Variants in C13orf46 observed in about 807,000 individuals in gnomAD.
The protein encoded by C13orf46 is chromosome 13 open reading frame 46.
the C13orf46 span, among the ~76,000 whole-genome samples, chr13:113,943,415 A>C: frequency 6.6e-6 from 1 of 152,354 alleles, no homozygotes; most frequent in East Asian, 1.9e-4. Context: ...CCGGTGGACA[A>C]TTGGTTACAT....
intron 4 of C13orf46, among the ~76,000 whole-genome samples, chr13:113,967,694 C>A (rs1291860289): frequency 6.6e-6 from 1 of 152,176 alleles, no homozygotes; most frequent in Non-Finnish European, 1.5e-5. Context: ...CTCCTCCAAC[C>A]TCATCCTCTG....
downstream of C13orf46, among the ~76,000 whole-genome samples, chr13:113,948,980 G>A (rs1411849634): frequency 6.6e-6 from 1 of 152,160 alleles, no homozygotes; most frequent in Admixed American, 6.5e-5. Context: ...TTTAGGGTGG[G>A]AGCTTGTTGC....
At chr13:113,945,587 G>A in the C13orf46 span, among the ~76,000 whole-genome samples, 527 of 125,670 alleles carry the variant, frequency 4.2e-3, 1 homozygote, top group African/African-American at 5.0e-3. Context: ...GAGAGAGAGA[G>A]AGAGAGAAAG....
At chr13:113,949,362 T>C (rs928049793), downstream of C13orf46, among the ~76,000 whole-genome samples, 5 of 152,164 alleles carry the variant, frequency 3.3e-5, no homozygotes, top group Non-Finnish European at 5.9e-5. Context: ...TGAGTGTGGG[T>C]TGCCTGGGTA....
chr13:113,959,204 G>C (rs960665918), intron 6 of C13orf46, among the ~76,000 whole-genome samples: 3 of 152,184 alleles, frequency 2.0e-5, no homozygotes, highest in Non-Finnish European at 4.4e-5. Flanking sequence ...CCCAGGGGGT[G>C]GAGGTTGCAG....
At chr13:113,952,363 G>T (rs1289003936), downstream of C13orf46, among the ~76,000 whole-genome samples, 3 of 147,576 alleles carry the variant, frequency 2.0e-5, no homozygotes, top group Admixed American at 6.7e-5. Context: ...GCCTGCCCAG[G>T]GCCGCTGTGT....
the C13orf46 span, among the ~76,000 whole-genome samples, chr13:113,937,642 T>C: frequency 4.6e-5 from 7 of 152,120 alleles, no homozygotes; most frequent in Non-Finnish European, 5.9e-5. Context: ...GCGCAGAGTT[T>C]GGTTTTACAT....
At chr13:113,938,013 T>C in the C13orf46 span, among the ~76,000 whole-genome samples, 1 of 152,164 alleles carries the variant, frequency 6.6e-6, no homozygotes, top group Admixed American at 6.5e-5. Flanking sequence ...GTTCCCTTAC[T>C]CAGGAATAGA....
chr13:113,934,370 G>T, the C13orf46 span, among the ~76,000 whole-genome samples: 1 of 152,332 alleles, frequency 6.6e-6, no homozygotes, highest in South Asian at 2.1e-4. Flanking sequence ...ATAATGGCAG[G>T]TATGTGTTTG....
chr13:113,937,045 G>T, the C13orf46 span, among the ~76,000 whole-genome samples: 1 of 152,114 alleles, frequency 6.6e-6, no homozygotes, highest in Non-Finnish European at 1.5e-5. Flanking sequence ...TTTTGCGGAA[G>T]GGTTATTATC....
chr13:113,942,746 G>A, the C13orf46 span, among the ~76,000 whole-genome samples: 178 of 152,298 alleles, frequency 1.2e-3, no homozygotes, highest in Middle Eastern at 6.8e-3. Flanking sequence ...CTGGGCCAGC[G>A]GGCTCCAGGC....
At chr13:113,951,289 G>A (rs1163685207), downstream of C13orf46, among the ~76,000 whole-genome samples, 5 of 152,218 alleles carry the variant, frequency 3.3e-5, no homozygotes, top group Non-Finnish European at 2.9e-5. Flanking sequence ...CAGCACCGGG[G>A]CCCCCACGGG....
intron 1 of C13orf46, among the ~76,000 whole-genome samples, chr13:113,972,226 C>T (rs2052714831): frequency 6.6e-6 from 1 of 152,254 alleles, no homozygotes; most frequent in African/African-American, 2.4e-5. Flanking sequence ...GCTAAGCAGC[C>T]TTGGCGTAAC....
chr13:113,961,226 T>C (rs2052583788), intron 6 of C13orf46, among the ~76,000 whole-genome samples: 1 of 152,188 alleles, frequency 6.6e-6, no homozygotes, highest in South Asian at 2.1e-4. Context: ...TAAATGATAC[T>C]AAATCTTCTT....
At chr13:113,935,129 G>A in the C13orf46 span, among the ~76,000 whole-genome samples, 9 of 152,200 alleles carry the variant, frequency 5.9e-5, no homozygotes, top group African/African-American at 1.4e-4. Flanking sequence ...CACAGCCCGA[G>A]GGGGGGAACA....
rs182155274 is a variant in C13orf46, at chr13:113,973,527, G to T, written c.190+281C>A. Among the ~76,000 whole-genome samples the T allele has an allele frequency of 3.5e-3, 540 of 152,284 alleles. 5 individuals are homozygous for T. Among genetic ancestry groups the T allele is most frequent in the Non-Finnish European group, 2.5e-3 (173 of 68,016 alleles). Reference sequence around the variant, plus strand: ...TGTCTCCTCTACCTACGACCTGGAAGCCCCTCCTGCTTCAGGCTGTCCCTT... The same window carrying T: ...TGTCTCCTCTACCTACGACCTGGAATCCCCTCCTGCTTCAGGCTGTCCCTT... On this transcript the variant is annotated intron_variant, in intron 1 of 6. Coordinates refer to ENST00000636427, the MANE Select transcript of C13orf46 (RefSeq NM_001365455.2).
chr13:113,933,525 A>G, the C13orf46 span, among the ~76,000 whole-genome samples: 1 of 152,208 alleles, frequency 6.6e-6, no homozygotes, highest in African/African-American at 2.4e-5. Context: ...TTAGCTTACC[A>G]ATTTCTACAA....
chr13:113,945,606 A>AGAGAGAGAGAGAGAGAGAG, the C13orf46 span, among the ~76,000 whole-genome samples: 1 of 33,578 alleles, frequency 3.0e-5, no homozygotes, highest in Admixed American at 3.6e-4. Context: ...AGAAAGAAAG[A>AGAGAGAGAGAGAGAGAGAG]AGAAAGAAAG....
rs2052521247 is a variant in C13orf46 at position 113,955,569 on chromosome 13, TGGAGAGGA to T, written c.*1196_*1203del. On this transcript the variant is annotated 3_prime_UTR_variant, in exon 7 of 7. Transcript: ENST00000636427. ...TCTCGTGGAGAGGAGGAGCATCTCG[TGGAGAGGA>T]GGAGCATCTCGTGGAGCGGAGGAGC... 3 of 128,346 alleles carry T rather than the reference TGGAGAGGA, an allele frequency of 2.3e-5. No individual in the cohort carries two copies. The highest frequency in any genetic ancestry group is 8.3e-5 in the Admixed American group (1 of 12,118). 8.0% of individuals were successfully genotyped at this position (128,346 alleles called of 1,614,324 possible). A position where few individuals can be genotyped will look rare whatever the true frequency, so the allele number is the denominator to read the frequency against.
Sources: allele counts gnomAD v4.1 joint callset (sites outside exome capture counted in the v4.1 genomes callset), GRCh38; gene constraint gnomAD v4.1.1; transcripts MANE v1.5; gene names NCBI Gene and HGNC (gene_info 2026-07-23, HGNC 2026-07-21).